APBA2: variants seen among roughly 807,000 people sequenced by gnomAD.
APBA2 encodes the protein amyloid beta precursor protein binding family A member 2.
APBA2 carries 30 observed loss-of-function variants against 75.0 expected under a neutral mutation model. The ratio of observed to expected loss-of-function variants is 0.40; its 90% confidence interval spans 0.30 to 0.54. The LOEUF (loss-of-function observed/expected upper bound fraction) is 0.54, where lower values mean the gene tolerates loss of function less well. APBA2 is among the 20% of genes least tolerant of loss of function. APBA2 has a pLI of 0.49. For synonymous variants in APBA2, 444 were observed against 409.6 expected (o/e 1.08, Z -1.01); for missense variants, 801 against 1,016.1 (o/e 0.79, Z 2.88).
chr15:29,115,261 T>TGGGTGGGG (rs2045023180), intron 14 of APBA2, among the ~76,000 whole-genome samples: 1 of 7,090 alleles, frequency 1.4e-4, no homozygotes, highest in African/African-American at 5.3e-4. Context: ...GGTGGGCGGG[T>TGGGTGGGG]GGGTGGAGGG....
At chr15:28,899,033 A>G (rs1377038851) in intron 1 of APBA2, among the ~76,000 whole-genome samples, 1 of 152,266 alleles carries the variant, frequency 6.6e-6, no homozygotes, top group Non-Finnish European at 1.5e-5. Flanking sequence ...ACAAGTAACC[A>G]AATGTTTAAG....
Position 29,093,238 on chromosome 15 carries a change from G to A in APBA2, c.1215+18G>A. The A allele has an allele frequency of 1.2e-6, 2 of 1,613,818 alleles. No individual in the cohort carries two copies. Among genetic ancestry groups the A allele is most frequent in the Non-Finnish European group, 1.7e-6 (2 of 1,179,968 alleles). On this transcript the variant is annotated intron_variant, in intron 7 of 14. Transcript: ENST00000683413. ...GGGTCAAGGTAGAGGTGCTTCGAGG[G>A]CCCCTCGCGGATGCCCGCACACTTT...
At chr15:29,109,437 G>T (rs2044613802) in intron 13 of APBA2, among the ~76,000 whole-genome samples, 1 of 152,204 alleles carries the variant, frequency 6.6e-6, no homozygotes, top group Non-Finnish European at 1.5e-5. Flanking sequence ...ATTTGCAGTG[G>T]GGGCGGTGGG....
chr15:28,909,884 T>C (rs543808848), intron 1 of APBA2, among the ~76,000 whole-genome samples: 58 of 152,350 alleles, frequency 3.8e-4, no homozygotes, highest in African/African-American at 1.3e-3. Context: ...TTTATCCCAG[T>C]GCTCTTGCTA....
intron 13 of APBA2, among the ~76,000 whole-genome samples, chr15:29,112,889 C>A (rs1048948811): frequency 6.6e-6 from 1 of 152,106 alleles, no homozygotes; most frequent in Non-Finnish European, 1.5e-5. Flanking sequence ...GGCGGCCCCC[C>A]ACTTCTACTT....
intron 4 of APBA2, among the ~76,000 whole-genome samples, chr15:29,067,739 A>G (rs2042439154): frequency 6.6e-6 from 1 of 152,352 alleles, no homozygotes; most frequent in South Asian, 2.1e-4. Flanking sequence ...CTAAAAGCAG[A>G]CAGGTAGATT....
At chr15:29,114,144 G>C in intron 14 of APBA2, 128 bp downstream of exon 14, 3 of 1,386,288 alleles carry the variant, frequency 2.2e-6, no homozygotes, top group Non-Finnish European at 3.0e-6. Context: ...TCTCCCATCG[G>C]GGCTGCTGTG....
chr15:28,936,020 G>C (rs2034846472), intron 2 of APBA2, among the ~76,000 whole-genome samples: 1 of 152,164 alleles, frequency 6.6e-6, no homozygotes, highest in African/African-American at 2.4e-5. Flanking sequence ...TTATTTGATT[G>C]CTTGCAGAAG....
In APBA2 at chr15:29,117,504, G is replaced by A. The variant is rs1375321737; in HGVS notation, c.*371G>A. The A allele has an allele frequency of 6.9e-6, 2 of 290,334 alleles. No homozygotes were observed. The highest frequency in any genetic ancestry group is 3.7e-5 in the South Asian group (1 of 27,026). The allele number at this position is 290,334 out of a possible 1,614,324, so 18.0% of individuals were successfully genotyped here. A position where few individuals can be genotyped will look rare whatever the true frequency, so the allele number is the denominator to read the frequency against. On this transcript the variant is annotated 3_prime_UTR_variant, in exon 15 of 15. Transcript: ENST00000683413. ...GGCGCCTCCGAGGGACGCGGCTCCC[G>A]GGGCAGGGCAGCCGTCACCCCTGCC... is the stretch of plus-strand genomic sequence containing the variant.
intron 3 of APBA2, among the ~76,000 whole-genome samples, chr15:29,017,549 T>C (rs948193143): frequency 6.6e-6 from 1 of 152,112 alleles, no homozygotes; most frequent in East Asian, 1.9e-4. Flanking sequence ...TTTGTGTTTT[T>C]AGTAGAGACA....
intron 2 of APBA2, among the ~76,000 whole-genome samples, chr15:28,927,696 G>A (rs1255283664): frequency 6.6e-6 from 1 of 151,536 alleles, no homozygotes; most frequent in Non-Finnish European, 1.5e-5. Flanking sequence ...CAAAGTGCTG[G>A]GATTACAGGC....
At chr15:29,103,927 T>A (rs1802719172) in intron 10 of APBA2, among the ~76,000 whole-genome samples, 1 of 152,148 alleles carries the variant, frequency 6.6e-6, no homozygotes, top group Non-Finnish European at 1.5e-5. Flanking sequence ...GGCGGCGCCA[T>A]CTGGCGGTCC....
chr15:29,026,688 C>T (rs974882087), intron 3 of APBA2, among the ~76,000 whole-genome samples: 19 of 151,826 alleles, frequency 1.3e-4, no homozygotes, highest in Middle Eastern at 3.4e-3. Context: ...CTGAGGTGAG[C>T]GGATCACGAG....
intron 2 of APBA2, among the ~76,000 whole-genome samples, chr15:28,981,319 A>G (rs2037610442): frequency 6.6e-6 from 1 of 152,236 alleles, no homozygotes; most frequent in Non-Finnish European, 1.5e-5. Flanking sequence ...GCAAGAACCA[A>G]ATAACCTCGT....
intron 6 of APBA2, among the ~76,000 whole-genome samples, chr15:29,087,662 G>A (rs1330205870): frequency 2.0e-5 from 3 of 152,178 alleles, no homozygotes; most frequent in Admixed American, 2.0e-4. Flanking sequence ...TGGAGGCCAC[G>A]CCTTAGCTCT....
At chr15:28,982,505 C>A (rs1432763743) in intron 2 of APBA2, among the ~76,000 whole-genome samples, 1 of 152,220 alleles carries the variant, frequency 6.6e-6, no homozygotes, top group Non-Finnish European at 1.5e-5. Flanking sequence ...GGTCCAGTTT[C>A]TTTCCCTCAG....
chr15:28,907,058 G>T (rs1467213764), intron 1 of APBA2, among the ~76,000 whole-genome samples: 1 of 152,060 alleles, frequency 6.6e-6, no homozygotes, highest in Non-Finnish European at 1.5e-5. Flanking sequence ...TAGAGAAAGG[G>T]TTTCTCTACC....
chr15:29,015,563 T>G (rs1380607222), intron 3 of APBA2, among the ~76,000 whole-genome samples: 4 of 152,226 alleles, frequency 2.6e-5, no homozygotes, highest in Non-Finnish European at 5.9e-5. Context: ...AGATCATTGT[T>G]AGTGGAGAAC....
chr15:29,094,078 G>A (rs2043721626), intron 7 of APBA2, among the ~76,000 whole-genome samples, 200 bp from the exon 8 acceptor site: 1 of 152,192 alleles, frequency 6.6e-6, no homozygotes, highest in Non-Finnish European at 1.5e-5. Context: ...GTCATTTCTA[G>A]CGCTCCAGGG....
Sources: gnomAD v4.1 joint callset for allele counts (sites outside exome capture counted in the v4.1 genomes callset) on GRCh38, gnomAD v4.1.1 for gene constraint, MANE v1.5 for transcripts, NCBI Gene and HGNC (gene_info 2026-07-23, HGNC 2026-07-21) for gene names.